Variants in SUGCT observed in about 807,000 individuals in gnomAD.
SUGCT encodes the protein succinyl-CoA:glutarate CoA-transferase.
Under a neutral mutation model 55.0 loss-of-function variants are expected in SUGCT, and 41 were observed. That is an observed-to-expected ratio of 0.74 (90% CI 0.58 to 0.97). SUGCT has a LOEUF of 0.97. SUGCT is among the 50% of genes least tolerant of loss of function. SUGCT has a pLI of 0.00. For missense variants in SUGCT, 568 were observed against 547.8 expected (o/e 1.04, Z -0.37); for synonymous variants, 187 against 200.4 (o/e 0.93, Z 0.56).
chr7:40,173,538 T>A (rs1166905430), intron 1 of SUGCT, among the ~76,000 whole-genome samples: 3 of 152,242 alleles, frequency 2.0e-5, no homozygotes, highest in Non-Finnish European at 4.4e-5. Context: ...CTGGGGTTTA[T>A]ATCCCATTGT....
intron 8 of SUGCT, among the ~76,000 whole-genome samples, chr7:40,287,632 G>A (rs886514189): frequency 4.6e-5 from 7 of 151,964 alleles, no homozygotes; most frequent in Non-Finnish European, 1.0e-4. Context: ...GAGTGGCTTG[G>A]ACTACACGCA....
rs186865348 is a variant in SUGCT, at chr7:40,419,735, G to A, written c.817-29552G>A. Among the ~76,000 whole-genome samples the A allele has an allele frequency of 5.8e-4, 88 of 152,242 alleles. 1 individual carries two copies. In the Middle Eastern group the frequency reaches 0.01, roughly 18 times the overall value. ...CCCAGAGATAGTGGGGGAAAACCTG[G>A]TTCTATTCATTGACTTGGAGTGTTA... On this transcript the variant is annotated intron_variant, in intron 9 of 13. Coordinates refer to ENST00000335693, the MANE Select transcript of SUGCT (RefSeq NM_001193313.2).
At chr7:40,597,855 A>T (rs73689830) in intron 12 of SUGCT, among the ~76,000 whole-genome samples, 3,110 of 152,288 alleles carry the variant, frequency 0.02, 102 homozygotes, top group African/African-American at 0.068. Context: ...TTCCTGTAAC[A>T]TAATTCAGCC....
chr7:40,415,044 C>G (rs1210492716), intron 9 of SUGCT, among the ~76,000 whole-genome samples: 32 of 71,030 alleles, frequency 4.5e-4, no homozygotes, highest in African/African-American at 1.7e-3. Context: ...CACTCTGTCA[C>G]AAAAAAAAAA....
At chr7:40,175,312 C>T (rs757727464) in intron 1 of SUGCT, among the ~76,000 whole-genome samples, 14 of 151,912 alleles carry the variant, frequency 9.2e-5, no homozygotes, top group Non-Finnish European at 1.8e-4. Flanking sequence ...CTCTGCCTCC[C>T]GGGTTCAAGC....
chr7:40,666,334 C>A (rs1801626667), intron 12 of SUGCT, among the ~76,000 whole-genome samples: 1 of 118,680 alleles, frequency 8.4e-6, no homozygotes, highest in African/African-American at 3.9e-5. Context: ...GGTGACAGAG[C>A]AAGACTCTGT....
At chr7:40,733,422 G>A (rs1020437083) in intron 12 of SUGCT, among the ~76,000 whole-genome samples, 1 of 152,130 alleles carries the variant, frequency 6.6e-6, no homozygotes, top group Admixed American at 6.5e-5. Context: ...GAGCAAACAT[G>A]CATCTATCTG....
chr7:40,754,190 T>G (rs1788147753), intron 13 of SUGCT, among the ~76,000 whole-genome samples: 1 of 152,160 alleles, frequency 6.6e-6, no homozygotes, highest in Non-Finnish European at 1.5e-5. Flanking sequence ...TATTATACAG[T>G]TAAAAGTGAA....
chr7:40,458,988 G>T, intron 10 of SUGCT, 113 bp from the exon 11 acceptor site: 1 of 662,870 alleles, frequency 1.5e-6, no homozygotes, highest in Non-Finnish European at 2.7e-6. Context: ...GGGGCATAAA[G>T]ACCAGCAAGG....
At chr7:40,423,728 A>G (rs1206019743) in intron 9 of SUGCT, among the ~76,000 whole-genome samples, 5 of 152,144 alleles carry the variant, frequency 3.3e-5, no homozygotes, top group African/African-American at 1.2e-4. Flanking sequence ...GTATGTTTTC[A>G]CAGGATACTA....
At position 40,543,480 on chromosome 7, in the gene SUGCT, C is replaced by T. The variant is rs537647441; in HGVS notation, c.1089+47094C>T. On this transcript the variant is annotated intron_variant, in intron 12 of 13. Coordinates refer to ENST00000335693, the MANE Select transcript of SUGCT (RefSeq NM_001193313.2). ...ATAGTTTAGGATTGGAAGACTCTGC[C>T]GTACATCTGTTTAACATCTTGCAGT... 1.3e-4 allele frequency among the ~76,000 whole-genome samples: 20 copies of T among 152,258 alleles called. No homozygotes were observed. In the East Asian group the frequency reaches 2.7e-3, roughly 21 times the overall value.
intron 12 of SUGCT, among the ~76,000 whole-genome samples, chr7:40,724,709 A>G (rs1356068739): frequency 6.7e-6 from 1 of 149,686 alleles, no homozygotes; most frequent in African/African-American, 2.4e-5. Flanking sequence ...TACATAATAT[A>G]TATTTTAAAT....
intron 13 of SUGCT, among the ~76,000 whole-genome samples, chr7:40,758,067 C>T (rs1036695486): frequency 1.6e-4 from 24 of 152,252 alleles, no homozygotes; most frequent in African/African-American, 5.1e-4. Flanking sequence ...AGTATCATGG[C>T]GTTAACTTGG....
At chr7:40,781,882 T>TA (rs923261764) in intron 13 of SUGCT, among the ~76,000 whole-genome samples, 113 of 152,238 alleles carry the variant, frequency 7.4e-4, no homozygotes, top group African/African-American at 2.6e-3. Context: ...ATTCAACTGT[T>TA]AGATTGTTTT....
chr7:40,741,030 A>G (rs1030555103), intron 12 of SUGCT, among the ~76,000 whole-genome samples: 1 of 152,218 alleles, frequency 6.6e-6, no homozygotes, highest in Non-Finnish European at 1.5e-5. Context: ...CTGTAATCCC[A>G]GCACTTTGGG....
At chr7:40,552,488 C>T (rs951545822) in intron 12 of SUGCT, among the ~76,000 whole-genome samples, 5 of 152,054 alleles carry the variant, frequency 3.3e-5, no homozygotes, top group Admixed American at 1.3e-4. Flanking sequence ...TGATGGCCTG[C>T]GAGGACAGCT....
At chr7:40,477,220 G>T (rs1790746578) in intron 11 of SUGCT, among the ~76,000 whole-genome samples, 1 of 152,016 alleles carries the variant, frequency 6.6e-6, no homozygotes, top group Non-Finnish European at 1.5e-5. Context: ...TGAATTATTT[G>T]AGTGATAGTT....
intron 8 of SUGCT, among the ~76,000 whole-genome samples, chr7:40,286,845 G>C (rs557625859): frequency 4.6e-5 from 7 of 152,124 alleles, no homozygotes; most frequent in Non-Finnish European, 1.0e-4. Flanking sequence ...TGTTTGGCTG[G>C]GAAAGAGGGA....
At chr7:40,876,848 C>T in the SUGCT span, among the ~76,000 whole-genome samples, 1 of 152,176 alleles carries the variant, frequency 6.6e-6, no homozygotes, top group Non-Finnish European at 1.5e-5. Context: ...TGAACAGACA[C>T]TGGTTGTGCA....
Sources: allele counts gnomAD v4.1 joint callset (sites outside exome capture counted in the v4.1 genomes callset), GRCh38; gene constraint gnomAD v4.1.1; transcripts MANE v1.5; gene names NCBI Gene and HGNC (gene_info 2026-07-23, HGNC 2026-07-21).